DIPK2A: variants seen among roughly 807,000 people sequenced by gnomAD.
The protein encoded by DIPK2A is divergent protein kinase domain 2A, also known as Golgi Protein of 49 kDa.
Under a neutral mutation model 39.0 loss-of-function variants are expected in DIPK2A, and 27 were observed. The observed-to-expected ratio is 0.69, with a 90% CI of 0.51 to 0.96. DIPK2A has a LOEUF of 0.96. DIPK2A is among the 40% of genes least tolerant of loss of function. The probability of loss-of-function intolerance (pLI) is 0.00; values close to 1 mark genes in which losing one functional copy is unlikely to be tolerated. For synonymous variants in DIPK2A, 298 were observed against 240.8 expected, an observed-to-expected ratio of 1.24 and a Z score of -2.20; for missense variants, 528 against 571.3, an observed-to-expected ratio of 0.92 and a Z score of 0.77.
chr3:143,981,630 A>T (rs897473556), intron 1 of DIPK2A, among the ~76,000 whole-genome samples: 1 of 152,226 alleles, frequency 6.6e-6, no homozygotes, highest in African/African-American at 2.4e-5. Context: ...CGTTACCTTT[A>T]TAAAATCTGA....
intron 1 of DIPK2A, among the ~76,000 whole-genome samples, chr3:143,975,451 G>T (rs2087715006): frequency 1.3e-5 from 2 of 152,016 alleles, no homozygotes; most frequent in Admixed American, 1.3e-4. Context: ...ATATACTTGA[G>T]GTTTGATGAT....
In DIPK2A at chr3:143,989,769, G is replaced by C. The variant is rs757025115; in HGVS notation, c.1221G>C (p.Lys407Asn). Residue 407 changes from lysine (K) to asparagine (N), a missense_variant, in exon 3 of 3, where the codon AAG (lysine) becomes AAC (asparagine). Transcript: ENST00000315691. ...TGGATGAGTGTGCCAACCCAAAGAAGCGCTATGGCAGATTCCAGGCTGCAA... is the reference window on the plus strand; with the variant it reads ...TGGATGAGTGTGCCAACCCAAAGAACCGCTATGGCAGATTCCAGGCTGCAA... ...ALLDECANPK[K>N]RYGRFQAAKE... is the part of the protein sequence containing the mutation. 6.2e-7 allele frequency: 1 copy of C among 1,614,178 alleles called. No homozygotes were observed. Among genetic ancestry groups the C allele is most frequent in the Non-Finnish European group, 8.5e-7 (1 of 1,180,038 alleles).
At chr3:143,989,329 C>G (rs532908654) in intron 2 of DIPK2A, among the ~76,000 whole-genome samples, 181 bp from the exon 3 acceptor site, 1 of 152,164 alleles carries the variant, frequency 6.6e-6, no homozygotes, top group South Asian at 2.1e-4. Flanking sequence ...TTCTGCCTAG[C>G]GTTAGTGGGC....
chr3:143,983,659 A>G (rs976732290), intron 1 of DIPK2A, among the ~76,000 whole-genome samples: 1 of 152,214 alleles, frequency 6.6e-6, no homozygotes, highest in Non-Finnish European at 1.5e-5. Flanking sequence ...TGGAGAAGCA[A>G]CAACAAACAA....
chr3:143,989,678 C>T lies in DIPK2A; in HGVS notation c.1130C>T (p.Thr377Ile), dbSNP rs1182411339. The T allele has an allele frequency of 5.0e-6, 8 of 1,614,112 alleles. No individual in the cohort carries two copies. The East Asian group carries it at 1.3e-4, about 27-fold the overall frequency. ...LLSRHATWRG[T>I]SGGLLHDPPS... Reference sequence around the variant, plus strand: ...TCCAGACATGCCACCTGGCGTGGCACTTCTGGAGGACTCCTTCATGATCCA... The same window carrying T: ...TCCAGACATGCCACCTGGCGTGGCATTTCTGGAGGACTCCTTCATGATCCA... The change falls in exon 3 of 3, where the codon ACT becomes ATT. Residue 377 changes from threonine (T) to isoleucine (I), a missense_variant. Physicochemically the swap from Thr to Ile is moderately conservative, Grantham distance 89. Coordinates refer to ENST00000315691, the MANE Select transcript of DIPK2A (RefSeq NM_173552.5).
chr3:143,989,508 A>AG lies in DIPK2A; in HGVS notation c.962-1dup. On this transcript the variant is annotated splice_acceptor_variant, in intron 2 of 2. Transcript: ENST00000315691. LOFTEE classifies it high-confidence loss of function. ...CTACTTCTGCTTTTCCTCCTTTCACAGATAAACCTGAAAATTGGGATGTAT... is the reference window on the plus strand; with the variant it reads ...CTACTTCTGCTTTTCCTCCTTTCACAGGATAAACCTGAAAATTGGGATGTAT... 2 of 1,589,922 alleles carry AG rather than the reference A, an allele frequency of 1.3e-6. No individual in the cohort carries two copies. Among genetic ancestry groups the AG allele is most frequent in the Non-Finnish European group, 1.7e-6 (2 of 1,166,248 alleles).
At chr3:143,974,283 G>A (rs977858998) in intron 1 of DIPK2A, among the ~76,000 whole-genome samples, 16 of 152,166 alleles carry the variant, frequency 1.1e-4, no homozygotes, top group Non-Finnish European at 2.4e-4. Flanking sequence ...TTTGGCTTCA[G>A]ATGAAACTTT....
At chr3:143,973,330 T>C in intron 1 of DIPK2A, 1 of 1,540,438 alleles carries the variant, frequency 6.5e-7, no homozygotes, top group Admixed American at 2.0e-5. Context: ...TTTCTGCTTT[T>C]ATCTGCCGGG....
intron 1 of DIPK2A, among the ~76,000 whole-genome samples, chr3:143,977,813 A>T (rs1045542123): frequency 6.6e-6 from 1 of 152,098 alleles, no homozygotes; most frequent in African/African-American, 2.4e-5. Context: ...ACAATTTTGG[A>T]TACCTCAAGT....
At chr3:143,986,722 CA>C (rs11293429) in intron 2 of DIPK2A, among the ~76,000 whole-genome samples, 15,451 of 67,054 alleles carry the variant, frequency 0.23, 2,589 homozygotes, top group African/African-American at 0.54. Flanking sequence ...GACTCCGTCT[CA>C]AAAAAAAAAA....
At chr3:143,973,135 G>A in intron 1 of DIPK2A, 146 bp downstream of exon 1, 2 of 1,201,830 alleles carry the variant, frequency 1.7e-6, no homozygotes, top group Admixed American at 2.0e-5. Context: ...GGGCGTCTCC[G>A]GGGGAGCCCC....
intron 1 of DIPK2A, among the ~76,000 whole-genome samples, chr3:143,976,555 T>TGTGAGAGAGAGAGAGAGAGAGAGA (rs1304250535): frequency 5.9e-5 from 7 of 118,044 alleles, no homozygotes; most frequent in South Asian, 2.5e-4. Flanking sequence ...TGTGTGTGTG[T>TGTGAGAGAGAGAGAGAGAGAGAGA]GAGAGAGAGA....
intron 2 of DIPK2A, among the ~76,000 whole-genome samples, chr3:143,986,520 C>A (rs202007217): frequency 6.6e-6 from 1 of 151,904 alleles, no homozygotes; most frequent in South Asian, 2.1e-4. Context: ...GTCAGGAGAT[C>A]GAGACCATCC....
At chr3:143,983,956 TC>T (rs1268113377) in intron 1 of DIPK2A, among the ~76,000 whole-genome samples, 6 of 152,248 alleles carry the variant, frequency 3.9e-5, no homozygotes, top group Non-Finnish European at 8.8e-5. Context: ...CTTAGCTAGA[TC>T]TTCTGGATAA....
Position 143,972,695 on chromosome 3 carries a change from C to T in DIPK2A, c.363C>T (p.Leu121=), listed in dbSNP as rs201166367. Residue 121 remains leucine, a synonymous_variant, in exon 1 of 3, where the codon CTC becomes CTT. Coordinates refer to ENST00000315691, the MANE Select transcript of DIPK2A (RefSeq NM_173552.5). The part of the protein sequence containing the change: ...RLGSQRELAQ[L]DQSICKRATG... ...GCTCGCAGCGCGAGCTGGCGCAGCT[C>T]GACCAGAGCATCTGCAAGCGGGCCA... is the stretch of plus-strand genomic sequence containing the variant. The T allele has an allele frequency of 2.8e-3, 4,474 of 1,606,616 alleles. 18 individuals carry two copies. The highest frequency in any genetic ancestry group is 4.3e-3 in the Middle Eastern group (26 of 5,994).
chr3:143,988,421 A>G (rs1308682795), intron 2 of DIPK2A, among the ~76,000 whole-genome samples: 1 of 151,874 alleles, frequency 6.6e-6, no homozygotes, highest in African/African-American at 2.4e-5. Context: ...GTGTTTTTCG[A>G]GTGCTTCATT....
intron 2 of DIPK2A, among the ~76,000 whole-genome samples, chr3:143,987,368 G>A (rs929086765): frequency 6.6e-6 from 1 of 152,096 alleles, no homozygotes; most frequent in South Asian, 2.1e-4. Flanking sequence ...GATGAATCCA[G>A]CCATATAGCT....
chr3:143,973,441 G>A, intron 1 of DIPK2A: 1 of 1,551,228 alleles, frequency 6.4e-7, no homozygotes. Context: ...TCTGGCGCTG[G>A]TGGCTGGCCT....
rs568738247 is a variant in DIPK2A, at chr3:143,986,446, C to T, written c.961+600C>T. On this transcript the variant is annotated intron_variant, in intron 2 of 2. Transcript: ENST00000315691. Reference sequence around the variant, plus strand: ...AGTGTTTTGAAAATTAAATGCCGGCCGGGTGCGGTGGCTTACGCCTGTAAT... The same window carrying T: ...AGTGTTTTGAAAATTAAATGCCGGCTGGGTGCGGTGGCTTACGCCTGTAAT... Among the ~76,000 whole-genome samples, 42 of 152,178 alleles carry T rather than the reference C, an allele frequency of 2.8e-4. 1 individual carries two copies. Among genetic ancestry groups the T allele is most frequent in the African/African-American group, 8.4e-4 (35 of 41,532 alleles).
Sources: allele counts gnomAD v4.1 joint callset (sites outside exome capture counted in the v4.1 genomes callset), GRCh38; gene constraint gnomAD v4.1.1; transcripts MANE v1.5; gene names NCBI Gene and HGNC (gene_info 2026-07-23, HGNC 2026-07-21).